The following NUBPL variants were observed in gnomAD, a reference collection of about 807,000 sequenced individuals.
NUBPL encodes NUBP iron-sulfur cluster assembly factor, mitochondrial, also known as iron-sulfur cluster transfer protein NUBPL.
NUBPL carries 31 observed loss-of-function variants against 45.7 expected under a neutral mutation model. That is an observed-to-expected ratio of 0.68 (90% confidence interval 0.51 to 0.92). The LOEUF is 0.92. Among genes scored for constraint, NUBPL ranks in the 40% least tolerant of loss-of-function variants. The pLI, the probability that NUBPL is intolerant of heterozygous loss-of-function variation, is 0.00. For missense variants in NUBPL, 401 were observed against 398.7 expected (o/e 1.01, Z -0.05); for synonymous variants, 144 against 140.9 (o/e 1.02, Z -0.15).
At position 31,635,163 on chromosome 14, in the gene NUBPL, C is replaced by A. The variant is rs796803531; in HGVS notation, c.382+35784C>A. On this transcript the variant is annotated intron_variant, in intron 4 of 10. Transcript: ENST00000281081. ...GGTGTTTTAGACATGAAGTCCTTGC[C>A]CATGCCTGTGTCCTGAATGGTAATG... Among the ~76,000 whole-genome samples the A allele has an allele frequency of 5.3e-5, 8 of 150,556 alleles. No individual in the cohort carries two copies. In the East Asian group the frequency reaches 1.4e-3, roughly 26 times the overall value.
chr14:31,739,732 C>T (rs1253948209), intron 6 of NUBPL, among the ~76,000 whole-genome samples: 3 of 152,126 alleles, frequency 2.0e-5, no homozygotes, highest in Admixed American at 2.0e-4. Flanking sequence ...TAGGTTTTGA[C>T]AATATATAAT....
chr14:31,680,780 A>G (rs191764584), intron 6 of NUBPL, among the ~76,000 whole-genome samples: 2 of 152,230 alleles, frequency 1.3e-5, no homozygotes, highest in East Asian at 1.9e-4. Context: ...TAGTTATTAT[A>G]CTGAATTGTT....
Position 31,859,351 on chromosome 14 carries a change from G to T in NUBPL, c.*171G>T. ...AAGCTAAGGTTCACAAAACTTTGAT[G>T]TATCAATGTTAACTGCTATATTTAG... On this transcript the variant is annotated 3_prime_UTR_variant, in exon 11 of 11. Coordinates refer to ENST00000281081, the MANE Select transcript of NUBPL (RefSeq NM_025152.3). The T allele has an allele frequency of 1.5e-6, 1 of 667,548 alleles. No individual in the cohort carries two copies. Among genetic ancestry groups the T allele is most frequent in the Non-Finnish European group, 2.7e-6 (1 of 371,678 alleles). The allele number at this position is 667,548 out of a possible 1,614,324, so 41.4% of individuals were successfully genotyped here.
In NUBPL at chr14:31,859,597, G is replaced by A. The variant is rs2040680402; in HGVS notation, c.*417G>A. On this transcript the variant is annotated 3_prime_UTR_variant, in exon 11 of 11. Transcript: ENST00000281081. ...CCACCAGGCAATTTGGACTGTCTTT[G>A]AATCCTGTCTTTGGTACTGTCTTGG... is the stretch of plus-strand genomic sequence containing the variant. 1 of 302,906 alleles carries A rather than the reference G, an allele frequency of 3.3e-6. No homozygotes were observed. The highest frequency in any genetic ancestry group is 2.2e-5 in the African/African-American group (1 of 45,730). The allele number at this position is 302,906 out of a possible 1,614,324, so 18.8% of individuals were successfully genotyped here.
chr14:31,750,197 C>T (rs1459429882), intron 6 of NUBPL, among the ~76,000 whole-genome samples: 11 of 145,592 alleles, frequency 7.6e-5, no homozygotes, highest in East Asian at 6.0e-4. Context: ...TTTTTTGAGA[C>T]GGAGTCTTGC....
intron 6 of NUBPL, among the ~76,000 whole-genome samples, chr14:31,730,302 G>A (rs1245781167): frequency 6.6e-6 from 1 of 152,088 alleles, no homozygotes; most frequent in Non-Finnish European, 1.5e-5. Context: ...ACTGAGGGGT[G>A]TAAGTCAAAA....
intron 6 of NUBPL, among the ~76,000 whole-genome samples, chr14:31,683,160 A>G (rs116343433): frequency 1.1e-4 from 17 of 151,680 alleles, no homozygotes; most frequent in African/African-American, 2.9e-4. Flanking sequence ...CACCTCCAAC[A>G]TTGGAGATAC....
intron 7 of NUBPL, among the ~76,000 whole-genome samples, chr14:31,798,191 C>T (rs2039502028): frequency 1.3e-5 from 2 of 152,004 alleles, no homozygotes; most frequent in Admixed American, 1.3e-4. Flanking sequence ...TGCTTCTCAC[C>T]CAAGTGTTTT....
Position 31,768,896 on chromosome 14 carries a change from T to C in NUBPL, c.514-18884T>C, listed in dbSNP as rs537621054. ...GTTCACTCCGAGTCCTGCCGACTTA[T>C]GCCATGTATGTCAATCTGAAAGGAA... On this transcript the variant is annotated intron_variant, in intron 6 of 10. Coordinates refer to ENST00000281081, the MANE Select transcript of NUBPL (RefSeq NM_025152.3). Among the ~76,000 whole-genome samples, 11 of 152,258 alleles carry C rather than the reference T, an allele frequency of 7.2e-5. No individual in the cohort carries two copies. The East Asian group carries it at 2.1e-3, about 29-fold the overall frequency.
intron 7 of NUBPL, 122 bp from the exon 8 acceptor site, chr14:31,826,507 G>A (rs1369273514): frequency 1.2e-6 from 1 of 833,692 alleles, no homozygotes; most frequent in Admixed American, 2.0e-5. Flanking sequence ...TGTGTAAAAT[G>A]TATATGAATG....
chr14:31,816,638 A>C (rs2138928889), intron 7 of NUBPL, among the ~76,000 whole-genome samples: 1 of 152,068 alleles, frequency 6.6e-6, no homozygotes, highest in Middle Eastern at 3.4e-3. Context: ...TCGATTTTAG[A>C]TCTTTCCTGC....
intron 6 of NUBPL, among the ~76,000 whole-genome samples, chr14:31,717,726 T>C (rs2037720378): frequency 6.6e-6 from 1 of 152,134 alleles, no homozygotes. Context: ...CAAGCTGACA[T>C]TGCCTAACTC....
At chr14:31,681,700 G>A (rs1003755574) in intron 6 of NUBPL, among the ~76,000 whole-genome samples, 14 of 151,644 alleles carry the variant, frequency 9.2e-5, no homozygotes, top group African/African-American at 2.4e-4. Context: ...TCTCTTAGGC[G>A]TTGCTTAAAC....
intron 4 of NUBPL, among the ~76,000 whole-genome samples, chr14:31,606,729 T>C (rs566381023): frequency 6.6e-6 from 1 of 152,104 alleles, no homozygotes; most frequent in Non-Finnish European, 1.5e-5. Context: ...ATCATAGATA[T>C]GTGGACTGCA....
At chr14:31,847,919 AAC>A (rs888425285) in intron 9 of NUBPL, among the ~76,000 whole-genome samples, 1 of 152,210 alleles carries the variant, frequency 6.6e-6, no homozygotes, top group Non-Finnish European at 1.5e-5. Flanking sequence ...TCTGCATAAT[AAC>A]AGATTGACAT....
At chr14:31,632,567 C>T (rs2035373505) in intron 4 of NUBPL, among the ~76,000 whole-genome samples, 1 of 152,114 alleles carries the variant, frequency 6.6e-6, no homozygotes, top group South Asian at 2.1e-4. Context: ...TCAAGATACA[C>T]AAAGTTTGAA....
intron 4 of NUBPL, among the ~76,000 whole-genome samples, chr14:31,638,359 G>A (rs953856641): frequency 1.3e-5 from 2 of 151,156 alleles, no homozygotes; most frequent in Non-Finnish European, 3.0e-5. Flanking sequence ...GCTTAGTTTG[G>A]CTGGATATGA....
intron 4 of NUBPL, among the ~76,000 whole-genome samples, chr14:31,616,024 T>C (rs1056151741): frequency 6.6e-6 from 1 of 152,250 alleles, no homozygotes; most frequent in African/African-American, 2.4e-5. Flanking sequence ...GTGGTTTTGA[T>C]TTGCTTTTCT....
intron 6 of NUBPL, among the ~76,000 whole-genome samples, chr14:31,747,364 C>T (rs1172069935): frequency 1.3e-5 from 2 of 152,030 alleles, no homozygotes; most frequent in African/African-American, 4.8e-5. Context: ...GTCTTGATCT[C>T]CTGACCTTGT....
Sources: gnomAD v4.1 joint callset for allele counts (sites outside exome capture counted in the v4.1 genomes callset) on GRCh38, gnomAD v4.1.1 for gene constraint, MANE v1.5 for transcripts, NCBI Gene and HGNC (gene_info 2026-07-23, HGNC 2026-07-21) for gene names.